Variants in HMCN2 observed in about 807,000 individuals in gnomAD.
HMCN2 encodes hemicentin 2, also known as hemicentin-2.
In HMCN2, 325 loss-of-function variants were observed where a neutral mutation model predicts 377.5. The ratio of observed to expected loss-of-function variants is 0.86; its 90% CI spans 0.79 to 0.94. HMCN2 has a LOEUF of 0.94. HMCN2 is among the 40% of genes least tolerant of loss of function. The pLI, the probability that HMCN2 is intolerant of heterozygous loss-of-function variation, is 0.00. For missense variants in HMCN2, 4,543 were observed against 4,725.3 expected (o/e 0.96, Z 1.13); for synonymous variants, 2,007 against 2,046.8 (o/e 0.98, Z 0.53).
At chr9:130,357,603 AG>A (rs1342135948) in intron 34 of HMCN2, among the ~76,000 whole-genome samples, 3 of 152,160 alleles carry the variant, frequency 2.0e-5, no homozygotes, top group Non-Finnish European at 4.4e-5. Flanking sequence ...ATGGGTGCAC[AG>A]ATGGTTGGGA....
Position 130,303,572 on chromosome 9 carries a change from G to A in HMCN2, c.1507G>A (p.Gly503Arg). ...TYECTAVSRAGTGRAKAQIVV... is the reference protein window; with the variant it reads ...TYECTAVSRARTGRAKAQIVV... ...CGAGTGCACAGCCGTCAGCAGGGCT[G>A]GGACCGGGCGAGCAAAGGCCCAGAT... Residue 503 changes from glycine (G) to arginine (R), a missense_variant, in exon 10 of 98, where the codon GGG (glycine) becomes AGG (arginine). Around this residue, in one of 5 missense-constraint regions of HMCN2, gnomAD observed 547 missense variants for 189.9 expected, o/e 2.88. Transcript: ENST00000683500. This position sits in a 1 kb window ranked among gnomAD's most constrained non-coding sequence, Gnocchi z 5.2. 2.7e-6 allele frequency: 1 copy of A among 369,600 alleles called. No individual in the cohort carries two copies. The highest frequency in any genetic ancestry group is 5.8e-6 in the Non-Finnish European group (1 of 172,862). The allele number at this position is 369,600 out of a possible 1,614,324, so 22.9% of individuals were successfully genotyped here.
At position 130,397,513 on chromosome 9, in the gene HMCN2, C is replaced by G. The variant is rs1226133392; in HGVS notation, c.11199-15C>G. The G allele has an allele frequency of 1.6e-6, 2 of 1,289,620 alleles. No individual in the cohort carries two copies. The highest frequency in any genetic ancestry group is 2.0e-6 in the Non-Finnish European group (2 of 988,810). The allele number at this position is 1,289,620 out of a possible 1,614,324, so 79.9% of individuals were successfully genotyped here. On this transcript the variant is annotated splice_polypyrimidine_tract_variant and intron_variant, in intron 73 of 97. Transcript: ENST00000683500. ...CTGGCTTGCTCATCTCCAGGGCAACCCCCATCCATTCTAGGTTTGAAATTC... is the reference window on the plus strand; with the variant it reads ...CTGGCTTGCTCATCTCCAGGGCAACGCCCATCCATTCTAGGTTTGAAATTC...
intron 15 of HMCN2, among the ~76,000 whole-genome samples, chr9:130,314,174 G>A (rs1363216452): frequency 6.6e-6 from 1 of 152,134 alleles, no homozygotes; most frequent in Non-Finnish European, 1.5e-5. Flanking sequence ...CCGAGCTGGG[G>A]AACAGGAGAT....
rs1008226506 is a variant in HMCN2, at chr9:130,428,304, G to A, written c.14066-54G>A. Reference sequence around the variant, plus strand: ...ATAGGCCGGGCCAGGGTCAGGTGGCGAGGCACGCCTGGGGATCATGTTCAC... The same window carrying A: ...ATAGGCCGGGCCAGGGTCAGGTGGCAAGGCACGCCTGGGGATCATGTTCAC... On this transcript the variant is annotated intron_variant, in intron 92 of 97. Transcript: ENST00000683500. This position sits in a 1 kb window ranked among gnomAD's most constrained non-coding sequence, Gnocchi z 5.0. 26 of 1,473,938 alleles carry A rather than the reference G, an allele frequency of 1.8e-5. No homozygotes were observed. The highest frequency in any genetic ancestry group is 2.2e-5 in the Non-Finnish European group (24 of 1,106,280). 91.3% of individuals were successfully genotyped at this position (1,473,938 alleles called of 1,614,324 possible).
chr9:130,356,548 C>T (rs1840036613), intron 34 of HMCN2, among the ~76,000 whole-genome samples: 3 of 152,244 alleles, frequency 2.0e-5, no homozygotes, highest in Admixed American at 2.0e-4. Flanking sequence ...AACCCTCTTT[C>T]TCTTGTCTTC....
chr9:130,284,802 G>A (rs1284128873), intron 2 of HMCN2, 129 bp downstream of exon 2: 7 of 422,112 alleles, frequency 1.7e-5, no homozygotes, highest in Admixed American at 1.0e-4. Context: ...GTGAATGTGT[G>A]GCTTCCTTAG....
intron 97 of HMCN2, 83 bp downstream of exon 97, chr9:130,432,638 T>C: frequency 7.1e-7 from 1 of 1,402,278 alleles, no homozygotes; most frequent in Non-Finnish European, 9.7e-7. Flanking sequence ...GCCCTGTCAT[T>C]GTCACTCCCC....
intron 7 of HMCN2, 121 bp downstream of exon 7, chr9:130,296,915 C>G (rs1836196538): frequency 2.6e-6 from 1 of 390,126 alleles, no homozygotes; most frequent in African/African-American, 2.1e-5. Context: ...TGAAAGGGAC[C>G]CTGCAGGAGG....
At chr9:130,316,606 C>T (rs1254484593) in intron 15 of HMCN2, among the ~76,000 whole-genome samples, 1 of 152,200 alleles carries the variant, frequency 6.6e-6, no homozygotes, top group East Asian at 1.9e-4. Context: ...ACAAGAGGCT[C>T]CTCCAGGAGT....
chr9:130,429,608 G>A lies in HMCN2; in HGVS notation c.14249G>A (p.Cys4750Tyr). ...GACGACTGTCACTACAACCAGCTCTGCGAGAACACCCCAGGCGGTCACCGC... is the reference window on the plus strand; with the variant it reads ...GACGACTGTCACTACAACCAGCTCTACGAGAACACCCCAGGCGGTCACCGC... ...GLDDCHYNQL[C>Y]ENTPGGHRCS... The change falls in exon 94 of 98, where the codon TGC becomes TAC. Residue 4750 changes from cysteine (C) to tyrosine (Y), a missense_variant. Physicochemically the swap from Cys to Tyr is radical, Grantham distance 194. Around this residue, in one of 5 missense-constraint regions of HMCN2, gnomAD observed 1,155 missense variants for 1,157.7 expected, o/e 1.00. Coordinates refer to ENST00000683500, the MANE Select transcript of HMCN2 (RefSeq NM_001291815.2). 6.5e-7 allele frequency: 1 copy of A among 1,550,320 alleles called. No individual in the cohort carries two copies. Among genetic ancestry groups the A allele is most frequent in the Non-Finnish European group, 8.7e-7 (1 of 1,146,836 alleles).
In HMCN2 at chr9:130,433,766, C is replaced by T. The variant is rs1039788734; in HGVS notation, c.*73C>T. On this transcript the variant is annotated 3_prime_UTR_variant, in exon 98 of 98. Transcript: ENST00000683500. ...GGTCGAGGAGAAGCTTGGTCCACGC[C>T]ACCTGCTGTGGCAAGCGGAGCGTCA... 3.3e-6 allele frequency: 4 copies of T among 1,217,588 alleles called. No homozygotes were observed. Among genetic ancestry groups the T allele is most frequent in the South Asian group, 3.5e-5 (2 of 57,122 alleles). 75.4% of individuals were successfully genotyped at this position (1,217,588 alleles called of 1,614,324 possible). A position where few individuals can be genotyped will look rare whatever the true frequency, so the allele number is the denominator to read the frequency against.
chr9:130,366,169 C>T (rs1840679854), intron 43 of HMCN2, among the ~76,000 whole-genome samples, 174 bp downstream of exon 43: 1 of 152,220 alleles, frequency 6.6e-6, no homozygotes, highest in East Asian at 1.9e-4. Flanking sequence ...CCTCTCTACT[C>T]AGTCCCTGAG....
chr9:130,320,543 G>A (rs1361140622), intron 17 of HMCN2, 92 bp downstream of exon 17: 1 of 152,316 alleles, frequency 6.6e-6, no homozygotes, highest in African/African-American at 2.4e-5. Context: ...CCTCCAGGGA[G>A]CCTCTCCTGG....
At position 130,405,026 on chromosome 9, in the gene HMCN2, G is replaced by T; in HGVS notation, c.12306G>T (p.Gln4102His). Residue 4102 changes from glutamine (Q) to histidine (H), a missense_variant, in exon 81 of 98, where the codon CAG (glutamine) becomes CAT (histidine). Gln to His is a conservative substitution (Grantham distance 24). Transcript: ENST00000683500. ...VSGAEGKFTI[Q>H]PSGELLVKNL... The stretch of plus-strand genomic sequence containing the variant: ...GCGCCGAGGGGAAGTTCACCATCCA[G>T]CCTTCTGGGGAGTTGCTGGTGAAGA... The T allele has an allele frequency of 7.8e-7, 1 of 1,288,522 alleles. No individual in the cohort carries two copies. Among genetic ancestry groups the T allele is most frequent in the Non-Finnish European group, 1.0e-6 (1 of 988,344 alleles). 79.8% of individuals were successfully genotyped at this position (1,288,522 alleles called of 1,614,324 possible).
At position 130,382,737 on chromosome 9, in the gene HMCN2, C is replaced by A. The variant is rs1841799331; in HGVS notation, c.8604C>A (p.Ala2868=). ...EELVEEVTVN[A]SSTVSLQCPA... ...TGGTGGAAGAGGTGACAGTCAATGCCAGCAGCACCGTCAGCCTGCAGTGCC... is the reference window on the plus strand; with the variant it reads ...TGGTGGAAGAGGTGACAGTCAATGCAAGCAGCACCGTCAGCCTGCAGTGCC... Residue 2868 remains alanine (A), a synonymous_variant, in exon 56 of 98, where the codon GCC becomes GCA. Transcript: ENST00000683500. The A allele has an allele frequency of 1.0e-6, 1 of 985,794 alleles. No homozygotes were observed. The highest frequency in any genetic ancestry group is 1.2e-6 in the Non-Finnish European group (1 of 829,992). The allele number at this position is 985,794 out of a possible 1,614,324, so 61.1% of individuals were successfully genotyped here. A position where few individuals can be genotyped will look rare whatever the true frequency, so the allele number is the denominator to read the frequency against.
intron 82 of HMCN2, chr9:130,406,483 C>G (rs11244203): frequency 0.66 from 181,631 of 274,230 alleles, 64,767 homozygotes; most frequent in Non-Finnish European, 0.8. Context: ...CAGCAAACCC[C>G]TTTTGCTGGG....
intron 85 of HMCN2, among the ~76,000 whole-genome samples, chr9:130,413,900 C>G (rs1843548320): frequency 6.6e-6 from 1 of 151,466 alleles, no homozygotes; most frequent in Non-Finnish European, 1.5e-5. Flanking sequence ...AATCCCAGCA[C>G]TTTGGGAGAC....
intron 77 of HMCN2, among the ~76,000 whole-genome samples, chr9:130,401,496 G>C (rs780765317): frequency 1.3e-5 from 2 of 152,066 alleles, no homozygotes; most frequent in Non-Finnish European, 2.9e-5. Context: ...CATGATTTCT[G>C]TATTTTTGTA....
chr9:130,281,763 A>G (rs1321427466), intron 1 of HMCN2, among the ~76,000 whole-genome samples: 1 of 151,940 alleles, frequency 6.6e-6, no homozygotes, highest in African/African-American at 2.4e-5. Flanking sequence ...GTGTGGTGGC[A>G]TGCACCTGTA....
Sources: allele counts gnomAD v4.1 joint callset (sites outside exome capture counted in the v4.1 genomes callset), GRCh38; gene constraint gnomAD v4.1.1; regional missense constraint gnomAD v4.1.1; non-coding constraint Gnocchi (gnomAD v3.1); transcripts MANE v1.5; gene names NCBI Gene and HGNC (gene_info 2026-07-23, HGNC 2026-07-21).